Variants in ATAD2B observed in about 807,000 individuals in gnomAD.
ATAD2B encodes the protein ATPase family AAA domain-containing protein 2B.
Under a neutral mutation model 167.6 loss-of-function variants are expected in ATAD2B, and 40 were observed. The observed-to-expected ratio is 0.24, with a 90% confidence interval of 0.19 to 0.31. The LOEUF is 0.31. ATAD2B is among the 10% of genes least tolerant of loss of function. The probability of loss-of-function intolerance (pLI) is 1.00; values close to 1 mark genes in which losing one functional copy is unlikely to be tolerated. For synonymous variants in ATAD2B, 579 were observed against 596.5 expected (o/e 0.97, Z 0.43); for missense variants, 1,242 against 1,757.2 (o/e 0.71, Z 5.24).
chr2:23,755,789 CATGAT>C (rs1053468575), intron 25 of ATAD2B, among the ~76,000 whole-genome samples: 2 of 152,126 alleles, frequency 1.3e-5, no homozygotes, highest in Admixed American at 6.6e-5. Flanking sequence ...AAACATGTAT[CATGAT>C]ATATCAGAGA....
intron 8 of ATAD2B, among the ~76,000 whole-genome samples, chr2:23,874,186 C>CA (rs552150978): frequency 5.6e-4 from 75 of 133,950 alleles, no homozygotes; most frequent in East Asian, 1.1e-3. Context: ...GGCTCCATCC[C>CA]AAAAAAAAAA....
chr2:23,877,460 C>T (rs1697042350), intron 7 of ATAD2B, among the ~76,000 whole-genome samples: 1 of 144,792 alleles, frequency 6.9e-6, no homozygotes, highest in Non-Finnish European at 1.5e-5. Context: ...TGCCACTGCA[C>T]TCCAGCCTAG....
chr2:23,817,704 A>G (rs939874410), intron 17 of ATAD2B, among the ~76,000 whole-genome samples: 1 of 152,246 alleles, frequency 6.6e-6, no homozygotes, highest in Admixed American at 6.5e-5. Flanking sequence ...ATAAAGAAAT[A>G]AGTGAATAAT....
chr2:23,736,164 C>A, the ATAD2B span, among the ~76,000 whole-genome samples: 1 of 152,104 alleles, frequency 6.6e-6, no homozygotes, highest in Non-Finnish European at 1.5e-5. Context: ...TGTAACTTTG[C>A]ATTAATTATT....
intron 22 of ATAD2B, among the ~76,000 whole-genome samples, chr2:23,775,099 T>C (rs1321659052): frequency 2.0e-5 from 3 of 152,026 alleles, no homozygotes. Flanking sequence ...AAAAGTTACA[T>C]TATGAGATTC....
At chr2:23,777,968 T>C (rs1679419578) in intron 22 of ATAD2B, among the ~76,000 whole-genome samples, 1 of 152,222 alleles carries the variant, frequency 6.6e-6, no homozygotes, top group Admixed American at 6.5e-5. Flanking sequence ...TGTTAGTTTT[T>C]TCCCCAAATG....
chr2:23,791,460 C>A (rs983185516), intron 19 of ATAD2B, among the ~76,000 whole-genome samples: 5 of 149,150 alleles, frequency 3.4e-5, no homozygotes, highest in Non-Finnish European at 7.5e-5. Context: ...TAGGTTGGTG[C>A]AAAAGCACTT....
At chr2:23,683,693 C>T in the ATAD2B span, among the ~76,000 whole-genome samples, 3 of 152,206 alleles carry the variant, frequency 2.0e-5, no homozygotes, top group Non-Finnish European at 2.9e-5. Flanking sequence ...AAAGCAGGCT[C>T]TGCCCCATGT....
intron 2 of ATAD2B, among the ~76,000 whole-genome samples, chr2:23,891,391 T>A (rs1162990315): frequency 6.6e-6 from 1 of 152,178 alleles, no homozygotes; most frequent in Non-Finnish European, 1.5e-5. Context: ...ATATGAATGT[T>A]CTCAAAAGTT....
chr2:23,856,824 C>A (rs1413132424), intron 13 of ATAD2B, among the ~76,000 whole-genome samples: 3 of 152,058 alleles, frequency 2.0e-5, no homozygotes, highest in Non-Finnish European at 4.4e-5. Flanking sequence ...TACGCCACTG[C>A]ACTCCAGCCT....
intron 1 of ATAD2B, among the ~76,000 whole-genome samples, chr2:23,909,038 G>A (rs1573394101): frequency 6.7e-6 from 1 of 150,064 alleles, no homozygotes; most frequent in East Asian, 2.0e-4. Context: ...GCTAGATGAC[G>A]AGTTAGTGGG....
intron 8 of ATAD2B, chr2:23,872,912 G>A: frequency 1.3e-6 from 1 of 771,536 alleles, no homozygotes; most frequent in South Asian, 1.3e-5. Context: ...ATCTCCTTAT[G>A]GCCCGCCGGG....
chr2:23,919,819 T>C (rs886131299), intron 1 of ATAD2B, among the ~76,000 whole-genome samples: 3 of 141,094 alleles, frequency 2.1e-5, no homozygotes, highest in Non-Finnish European at 4.6e-5. Context: ...TACTCCAGCC[T>C]GGGCAACAAG....
At chr2:23,923,064 C>T (rs955674428) in intron 1 of ATAD2B, among the ~76,000 whole-genome samples, 6 of 152,106 alleles carry the variant, frequency 3.9e-5, no homozygotes, top group Non-Finnish European at 8.8e-5. Context: ...CTTCCATGTT[C>T]GCAGTAGCAT....
intron 17 of ATAD2B, 95 bp downstream of exon 17, chr2:23,819,650 TCA>T: frequency 1.0e-6 from 1 of 968,942 alleles, no homozygotes; most frequent in African/African-American, 1.7e-5. Flanking sequence ...AACAATATCC[TCA>T]CAGTTATAAC....
chr2:23,887,042 CCAAGGCAGGCAGATCA>C (rs1390281210), intron 4 of ATAD2B, among the ~76,000 whole-genome samples: 4 of 152,004 alleles, frequency 2.6e-5, no homozygotes, highest in Admixed American at 6.6e-5. Flanking sequence ...CTTTGGGAGG[CCAAGGCAGGCAGATCA>C]CAAGGTCTGG....
chr2:23,838,909 G>C (rs1405222621), intron 13 of ATAD2B, among the ~76,000 whole-genome samples: 1 of 152,042 alleles, frequency 6.6e-6, no homozygotes, highest in East Asian at 1.9e-4. Context: ...CCACCTTATA[G>C]AAGAAAAGAT....
rs1052334586 is a variant in ATAD2B, at chr2:23,911,996, T to G, written c.216+14559A>C. Among the ~76,000 whole-genome samples the G allele has an allele frequency of 8.1e-4, 118 of 145,898 alleles. 1 individual carries two copies. Among genetic ancestry groups the G allele is most frequent in the African/African-American group, 2.9e-3 (117 of 39,922 alleles). ...CATCTCAAAAAAAAAAAAAAAAAAG[T>G]AGAAGATGCACAAATTTGACTTAGT... On this transcript the variant is annotated intron_variant, in intron 1 of 27. Transcript: ENST00000238789.
intron 1 of ATAD2B, among the ~76,000 whole-genome samples, chr2:23,908,039 GAAGA>G (rs1478540568): frequency 1.3e-5 from 2 of 152,052 alleles, no homozygotes; most frequent in African/African-American, 4.8e-5. Context: ...AAAAACCCTA[GAAGA>G]AAGCCTAGGC....
Sources: gnomAD v4.1 joint callset for allele counts (sites outside exome capture counted in the v4.1 genomes callset) on GRCh38, gnomAD v4.1.1 for gene constraint, MANE v1.5 for transcripts, NCBI Gene and HGNC (gene_info 2026-07-23, HGNC 2026-07-21) for gene names.